AKAP13: variants seen among roughly 807,000 people sequenced by gnomAD.
AKAP13 encodes the protein A-kinase anchor protein 13.
A neutral mutation model predicts 264.5 loss-of-function variants in AKAP13; 80 were observed. The observed-to-expected ratio is 0.30, with a 90% CI of 0.25 to 0.36. The LOEUF (loss-of-function observed/expected upper bound fraction) is 0.36, where lower values mean the gene tolerates loss of function less well. Among genes scored for constraint, AKAP13 ranks in the 10% least tolerant of loss-of-function variants. AKAP13 has a pLI of 1.00. For synonymous variants in AKAP13, 1,380 were observed against 1,250.2 expected (o/e 1.10, Z -2.19); for missense variants, 3,712 against 3,435.2 (o/e 1.08, Z -2.01).
chr15:85,567,189 C>T (rs550884171), intron 5 of AKAP13, among the ~76,000 whole-genome samples: 1 of 151,348 alleles, frequency 6.6e-6, no homozygotes, highest in Non-Finnish European at 1.5e-5. Context: ...CTCACTGCAA[C>T]CTCCACCTCC....
At chr15:85,741,023 G>T in intron 34 of AKAP13, 23 bp from the exon 35 acceptor site, 1 of 1,585,064 alleles carries the variant, frequency 6.3e-7, no homozygotes, top group Admixed American at 1.7e-5. Flanking sequence ...GAGTTGCAGG[G>T]CTCCCCTCTG....
At chr15:85,593,449 A>G (rs552059639) in intron 8 of AKAP13, among the ~76,000 whole-genome samples, 1 of 152,044 alleles carries the variant, frequency 6.6e-6, no homozygotes, top group Admixed American at 6.5e-5. Context: ...TATGTTGCAG[A>G]TCTTGAACTC....
intron 2 of AKAP13, among the ~76,000 whole-genome samples, chr15:85,495,266 A>G (rs1028710153): frequency 1.3e-5 from 2 of 152,064 alleles, no homozygotes; most frequent in African/African-American, 4.8e-5. Flanking sequence ...TCTGTGTTAG[A>G]ATAATGTTCT....
intron 1 of AKAP13, among the ~76,000 whole-genome samples, chr15:85,477,037 C>T (rs1370289621): frequency 6.6e-6 from 1 of 152,002 alleles, no homozygotes; most frequent in Non-Finnish European, 1.5e-5. Flanking sequence ...ACTGTGATCA[C>T]ATTTTATGTT....
chr15:85,743,818 G>C lies in AKAP13; in HGVS notation c.8385G>C (p.Gln2795His). The part of the protein sequence containing the change: ...KKKKNKTSRS[Q>H]PGDGPASEVS... Reference sequence around the variant, plus strand: ...AGAAGAACAAAACCAGCCGCTCTCAGCCCGGTGGTGAGTCACGCACACCTG... The same window carrying C: ...AGAAGAACAAAACCAGCCGCTCTCACCCCGGTGGTGAGTCACGCACACCTG... Residue 2795 changes from glutamine (Q) to histidine (H), a missense_variant, in exon 36 of 37, where the codon CAG (glutamine) becomes CAC (histidine). Gln to His is a conservative substitution (Grantham distance 24). Around this residue, in one of 3 missense-constraint regions of AKAP13, gnomAD observed 611 missense variants for 539.3 expected, o/e 1.13. Coordinates refer to ENST00000394518, the MANE Select transcript of AKAP13 (RefSeq NM_007200.5). 1.2e-6 allele frequency: 2 copies of C among 1,608,834 alleles called. No individual in the cohort carries two copies.
chr15:85,521,181 A>G lies in AKAP13; in HGVS notation c.34-247A>G, dbSNP rs16940852. Among the ~76,000 whole-genome samples the G allele has an allele frequency of 1.9e-4, 29 of 152,240 alleles. No individual in the cohort carries two copies. In the East Asian group the frequency reaches 5.0e-3, roughly 26 times the overall value. The stretch of plus-strand genomic sequence containing the variant: ...TGTTGATTAACTTACTTGTCTAATG[A>G]CCTCCACTAAAATGTAAGTTTAAAG... On this transcript the variant is annotated intron_variant, in intron 2 of 36. Coordinates refer to ENST00000394518, the MANE Select transcript of AKAP13 (RefSeq NM_007200.5).
chr15:85,633,574 C>G (rs184284318), intron 8 of AKAP13, among the ~76,000 whole-genome samples: 1 of 100,260 alleles, frequency 1.0e-5, no homozygotes, highest in African/African-American at 3.6e-5. Context: ...GACGGAGTCT[C>G]TCTTTGTCAC....
intron 8 of AKAP13, among the ~76,000 whole-genome samples, chr15:85,598,826 C>G (rs1199120034): frequency 1.3e-5 from 2 of 152,212 alleles, no homozygotes; most frequent in African/African-American, 4.8e-5. Flanking sequence ...ATTGTAACAT[C>G]AGGCATTAAG....
chr15:85,654,518 A>G (rs2083008976), intron 10 of AKAP13, among the ~76,000 whole-genome samples: 1 of 152,172 alleles, frequency 6.6e-6, no homozygotes, highest in Non-Finnish European at 1.5e-5. Context: ...CATAAATTTG[A>G]TATTTTTCCT....
chr15:85,650,755 C>CA (rs66624781), intron 10 of AKAP13, among the ~76,000 whole-genome samples: 344 of 32,616 alleles, frequency 0.011, 78 homozygotes, highest in Non-Finnish European at 0.012. Context: ...GACTCCATCT[C>CA]AAAAAAAAAA....
At chr15:85,497,064 A>G (rs2151082896) in intron 2 of AKAP13, among the ~76,000 whole-genome samples, 1 of 152,338 alleles carries the variant, frequency 6.6e-6, no homozygotes, top group South Asian at 2.1e-4. Context: ...TTTACAGGAT[A>G]CTTTTTCAAT....
chr15:85,608,707 G>A (rs1401413890), intron 8 of AKAP13, among the ~76,000 whole-genome samples: 2 of 152,292 alleles, frequency 1.3e-5, no homozygotes, highest in African/African-American at 2.4e-5. Flanking sequence ...TCTGAGAGCC[G>A]GGGGCCTTGA....
chr15:85,688,961 G>A (rs2085102304), intron 16 of AKAP13, among the ~76,000 whole-genome samples: 1 of 152,150 alleles, frequency 6.6e-6, no homozygotes, highest in South Asian at 2.1e-4. Flanking sequence ...CATATGCATG[G>A]TGTTCGAGTT....
intron 23 of AKAP13, among the ~76,000 whole-genome samples, chr15:85,720,043 G>A (rs1270810292): frequency 6.6e-6 from 1 of 152,088 alleles, no homozygotes; most frequent in African/African-American, 2.4e-5. Context: ...GACTAGCCTG[G>A]CAACGTACCA....
intron 1 of AKAP13, among the ~76,000 whole-genome samples, chr15:85,388,622 T>A (rs1220879627): frequency 6.6e-6 from 1 of 152,210 alleles, no homozygotes. Context: ...GACATAATCA[T>A]ATGTTTTTTC....
intron 4 of AKAP13, 98 bp from the exon 5 acceptor site, chr15:85,543,674 C>A: frequency 7.6e-7 from 1 of 1,321,298 alleles, no homozygotes; most frequent in Non-Finnish European, 1.0e-6. Flanking sequence ...ATCTTAGGCA[C>A]TTGGAGGCAG....
chr15:85,630,509 C>G (rs1567164836), intron 8 of AKAP13, among the ~76,000 whole-genome samples: 1 of 152,174 alleles, frequency 6.6e-6, no homozygotes, highest in East Asian at 1.9e-4. Context: ...TTTCACATCT[C>G]ACATGTAAGC....
intron 2 of AKAP13, among the ~76,000 whole-genome samples, chr15:85,508,334 G>T (rs1258384772): frequency 1.3e-5 from 2 of 151,854 alleles, no homozygotes; most frequent in Non-Finnish European, 2.9e-5. Flanking sequence ...GTAGAGATGG[G>T]GTTTTGCTGT....
chr15:85,734,182 G>A (rs2088266925), intron 30 of AKAP13, among the ~76,000 whole-genome samples: 1 of 152,140 alleles, frequency 6.6e-6, no homozygotes, highest in Non-Finnish European at 1.5e-5. Context: ...TTATGGACAT[G>A]TCTTTCCGAT....
Sources: allele counts gnomAD v4.1 joint callset (sites outside exome capture counted in the v4.1 genomes callset), GRCh38; gene constraint gnomAD v4.1.1; regional missense constraint gnomAD v4.1.1; transcripts MANE v1.5; gene names NCBI Gene and HGNC (gene_info 2026-07-23, HGNC 2026-07-21).